UBE2E1: variants seen among roughly 807,000 people sequenced by gnomAD.
The protein encoded by UBE2E1 is ubiquitin-conjugating enzyme E2 E1.
In UBE2E1, 6 loss-of-function variants were observed where a neutral mutation model predicts 21.4. The observed-to-expected ratio is 0.28, with a 90% CI of 0.15 to 0.55. UBE2E1 has a LOEUF of 0.55. Ranked by LOEUF, UBE2E1 falls within the 20% of genes least tolerant of loss-of-function variation. UBE2E1 has a pLI of 0.93. For missense variants in UBE2E1, 142 were observed against 236.5 expected, an observed-to-expected ratio of 0.60 and a Z score of 2.62; for synonymous variants, 87 against 82.7, an observed-to-expected ratio of 1.05 and a Z score of -0.28.
intron 3 of UBE2E1, among the ~76,000 whole-genome samples, chr3:23,884,486 T>C (rs987465531): frequency 6.6e-6 from 1 of 152,174 alleles, no homozygotes; most frequent in Non-Finnish European, 1.5e-5. Flanking sequence ...TAGAAATCTT[T>C]AGTCTTTAAA....
At chr3:23,839,807 T>G (rs1386277489) in intron 3 of UBE2E1, among the ~76,000 whole-genome samples, 1 of 152,204 alleles carries the variant, frequency 6.6e-6, no homozygotes, top group Non-Finnish European at 1.5e-5. Flanking sequence ...TAATCCTTAG[T>G]TTGTTTCTCC....
intron 3 of UBE2E1, among the ~76,000 whole-genome samples, chr3:23,835,636 A>G (rs192771542): frequency 9.7e-4 from 147 of 152,122 alleles, no homozygotes; most frequent in African/African-American, 3.4e-3. Flanking sequence ...ATTTGCATAC[A>G]GTGTACCTCT....
At chr3:23,830,800 G>A (rs999309906) in intron 3 of UBE2E1, among the ~76,000 whole-genome samples, 3 of 152,156 alleles carry the variant, frequency 2.0e-5, no homozygotes, top group South Asian at 2.1e-4. Context: ...TCAGTATATC[G>A]TAGAATTTAG....
chr3:23,855,677 A>C (rs1700419149), intron 3 of UBE2E1, among the ~76,000 whole-genome samples: 1 of 151,974 alleles, frequency 6.6e-6, no homozygotes, highest in African/African-American at 2.4e-5. Flanking sequence ...AAAATACAAA[A>C]AAATTAGCTG....
In UBE2E1 at chr3:23,826,943, G is replaced by A. The variant is rs188515357; in HGVS notation, c.203+15433G>A. Among the ~76,000 whole-genome samples the A allele has an allele frequency of 3.4e-3, 518 of 152,148 alleles. 5 individuals carry two copies. Among genetic ancestry groups the A allele is most frequent in the Non-Finnish European group, 2.8e-3 (192 of 67,992 alleles). ...TAAACTGTTGCCAGGAGGTTTTTGG[G>A]TTGCACTGATAAGAAATTACATGAT... On this transcript the variant is annotated intron_variant, in intron 3 of 5. Transcript: ENST00000306627.
intron 3 of UBE2E1, among the ~76,000 whole-genome samples, chr3:23,858,003 T>C (rs534130462): frequency 1.3e-5 from 2 of 152,094 alleles, no homozygotes; most frequent in South Asian, 4.2e-4. Context: ...TGTATTTTTA[T>C]TGGAGATGGG....
chr3:23,866,833 C>T (rs1006528308), intron 3 of UBE2E1, among the ~76,000 whole-genome samples: 4 of 152,192 alleles, frequency 2.6e-5, no homozygotes, highest in Admixed American at 6.5e-5. Context: ...TTAATCCTGG[C>T]TTCCATCCAA....
chr3:23,848,011 G>A (rs113165910), intron 3 of UBE2E1, among the ~76,000 whole-genome samples: 1 of 151,940 alleles, frequency 6.6e-6, no homozygotes, highest in Non-Finnish European at 1.5e-5. Flanking sequence ...AAACACAAAT[G>A]GTAACTTGCT....
At chr3:23,880,336 TGG>T (rs1268811800) in intron 3 of UBE2E1, among the ~76,000 whole-genome samples, 2 of 128,828 alleles carry the variant, frequency 1.6e-5, no homozygotes, top group African/African-American at 5.1e-5. Flanking sequence ...TGAGCCAAGA[TGG>T]CACCACTGCA....
chr3:23,827,748 G>A (rs1699788312), intron 3 of UBE2E1, among the ~76,000 whole-genome samples: 1 of 151,992 alleles, frequency 6.6e-6, no homozygotes. Flanking sequence ...ATTTTTCATT[G>A]GAATTGCCAT....
chr3:23,845,201 A>G (rs546857457), intron 3 of UBE2E1, among the ~76,000 whole-genome samples: 4 of 152,326 alleles, frequency 2.6e-5, no homozygotes, highest in Middle Eastern at 3.4e-3. Flanking sequence ...ACAATAAACT[A>G]AAGCAAATTT....
Position 23,809,831 on chromosome 3 carries a change from A to T in UBE2E1, c.153-1629A>T, listed in dbSNP as rs370238799. ...AAAGAATCAGGAAACCAATTTTCCAAACTTTGAGTCTAATGTACAGTCATG... is the reference window on the plus strand; with the variant it reads ...AAAGAATCAGGAAACCAATTTTCCATACTTTGAGTCTAATGTACAGTCATG... On this transcript the variant is annotated intron_variant, in intron 2 of 5. Transcript: ENST00000306627. Among the ~76,000 whole-genome samples the T allele has an allele frequency of 5.9e-5, 9 of 152,328 alleles. No individual in the cohort carries two copies. The East Asian group carries it at 1.7e-3, about 29-fold the overall frequency.
chr3:23,852,598 C>CT (rs1430157415), intron 3 of UBE2E1, among the ~76,000 whole-genome samples: 6 of 152,164 alleles, frequency 3.9e-5, no homozygotes, highest in African/African-American at 1.4e-4. Flanking sequence ...TTTTATTTCT[C>CT]TTTTTTCTTT....
Position 23,810,534 on chromosome 3 carries a change from G to A in UBE2E1, c.153-926G>A, listed in dbSNP as rs1296515539. On this transcript the variant is annotated intron_variant, in intron 2 of 5. Coordinates refer to ENST00000306627, the MANE Select transcript of UBE2E1 (RefSeq NM_003341.5). This position sits in a 1 kb window ranked among gnomAD's most constrained non-coding sequence, Gnocchi z 5.8. ...GGACGCCCGGGGAAAAGCAGGTCCG[G>A]GGAGGTGGGCCGAGAGTCCCGGCCA... 1.5e-5 allele frequency: 23 copies of A among 1,534,660 alleles called. No homozygotes were observed. The highest frequency in any genetic ancestry group is 2.0e-5 in the Non-Finnish European group (23 of 1,146,198).
chr3:23,832,239 A>G (rs1699882948), intron 3 of UBE2E1, among the ~76,000 whole-genome samples: 1 of 152,264 alleles, frequency 6.6e-6, no homozygotes, highest in Non-Finnish European at 1.5e-5. Flanking sequence ...ATCATTGTCC[A>G]GGGAATGGCT....
At chr3:23,884,432 G>A (rs752825787) in intron 3 of UBE2E1, among the ~76,000 whole-genome samples, 4 of 152,064 alleles carry the variant, frequency 2.6e-5, no homozygotes, top group Non-Finnish European at 4.4e-5. Context: ...TGGATTCTTG[G>A]GTCCCCTCTA....
chr3:23,846,451 C>T (rs1700205418), intron 3 of UBE2E1, among the ~76,000 whole-genome samples: 1 of 152,020 alleles, frequency 6.6e-6, no homozygotes, highest in Non-Finnish European at 1.5e-5. Context: ...AATCCCAGCA[C>T]TTTGGGAGGC....
chr3:23,889,318 C>T, intron 5 of UBE2E1, 59 bp downstream of exon 5: 1 of 1,609,082 alleles, frequency 6.2e-7, no homozygotes, highest in Non-Finnish European at 8.5e-7. Flanking sequence ...ATACTTGTTT[C>T]CAAAAGCTTT....
At position 23,810,710 on chromosome 3, in the gene UBE2E1, C is replaced by G. The variant is rs1699369709; in HGVS notation, c.153-750C>G. On this transcript the variant is annotated intron_variant, in intron 2 of 5. Coordinates refer to ENST00000306627, the MANE Select transcript of UBE2E1 (RefSeq NM_003341.5). This position sits in a 1 kb window ranked among gnomAD's most constrained non-coding sequence, Gnocchi z 5.8. ...GGTTCTGGGCGCCGGGAGAGGAGAG[C>G]TGGGGCGGCGCGGAGCAGCCCCCGT... is the stretch of plus-strand genomic sequence containing the variant. 1 of 523,564 alleles carries G rather than the reference C, an allele frequency of 1.9e-6. No individual in the cohort carries two copies. The highest frequency in any genetic ancestry group is 3.2e-6 in the Non-Finnish European group (1 of 310,830). The allele number at this position is 523,564 out of a possible 1,614,324, so 32.4% of individuals were successfully genotyped here.
Sources: gnomAD v4.1 joint callset for allele counts (sites outside exome capture counted in the v4.1 genomes callset) on GRCh38, gnomAD v4.1.1 for gene constraint, Gnocchi (gnomAD v3.1) non-coding constraint, MANE v1.5 for transcripts, NCBI Gene and HGNC (gene_info 2026-07-23, HGNC 2026-07-21) for gene names.